The following PRIM2 variants were observed in gnomAD, a reference collection of about 807,000 sequenced individuals.
The protein encoded by PRIM2 is DNA primase subunit 2, also known as DNA primase large subunit.
In PRIM2, 39 loss-of-function variants were observed where a neutral mutation model predicts 67.3. The observed-to-expected ratio is 0.58, with a 90% confidence interval of 0.45 to 0.76. The LOEUF (loss-of-function observed/expected upper bound fraction) is 0.76, where lower values mean the gene tolerates loss of function less well. Ranked by LOEUF, PRIM2 falls within the 30% of genes least tolerant of loss-of-function variation. The pLI is 0.00. For synonymous variants in PRIM2, 143 were observed against 198.7 expected, an observed-to-expected ratio of 0.72 and a Z score of 2.36; for missense variants, 398 against 598.7, an observed-to-expected ratio of 0.66 and a Z score of 3.50.
At chr6:57,334,131 A>T (rs9475847) in intron 5 of PRIM2, among the ~76,000 whole-genome samples, 19,356 of 152,128 alleles carry the variant, frequency 0.13, 1,388 homozygotes, top group African/African-American at 0.18. Context: ...CAACTTTTTT[A>T]GATTCCACAT....
At chr6:57,299,064 TTCTC>T in the PRIM2 span, among the ~76,000 whole-genome samples, 3,180 of 151,644 alleles carry the variant, frequency 0.021, 105 homozygotes, top group African/African-American at 0.073. Context: ...CTCTCTCTCT[TTCTC>T]TCTGTCTCTC....
Position 57,455,884 on chromosome 6 carries a change from AT to A in PRIM2, c.694-51502del, listed in dbSNP as rs1210871322. ...TTGATTCAGTTTCTTCCTAGCCTGGATGGTCTTTACAATTTGGCATGTTTTT... is the reference window on the plus strand; with the variant it reads ...TTGATTCAGTTTCTTCCTAGCCTGGAGGTCTTTACAATTTGGCATGTTTTT... On this transcript the variant is annotated intron_variant, in intron 7 of 13. Coordinates refer to ENST00000615550, the MANE Select transcript of PRIM2 (RefSeq NM_000947.5). Among the ~76,000 whole-genome samples the A allele has an allele frequency of 4.5e-4, 69 of 152,256 alleles. No individual in the cohort carries two copies. In the East Asian group the frequency reaches 0.012, roughly 26 times the overall value.
intron 10 of PRIM2, among the ~76,000 whole-genome samples, chr6:57,538,010 A>G (rs1442798897): frequency 7.3e-6 from 1 of 137,426 alleles, no homozygotes; most frequent in Non-Finnish European, 1.6e-5. Flanking sequence ...TCTTTTATAA[A>G]CTTTTGTTTT....
At chr6:57,294,617 G>T in the PRIM2 span, among the ~76,000 whole-genome samples, 3 of 150,844 alleles carry the variant, frequency 2.0e-5, no homozygotes, top group South Asian at 6.2e-4. Context: ...ATAAGTATAT[G>T]TATAAATATA....
intron 7 of PRIM2, among the ~76,000 whole-genome samples, chr6:57,436,317 C>G (rs769382332): frequency 1.6e-4 from 25 of 152,274 alleles, no homozygotes; most frequent in Middle Eastern, 3.4e-3. Flanking sequence ...CTTATAAATC[C>G]TCATAAAGTC....
At chr6:57,291,414 AG>A in the PRIM2 span, among the ~76,000 whole-genome samples, 1 of 152,222 alleles carries the variant, frequency 6.6e-6, no homozygotes, top group Non-Finnish European at 1.5e-5. Flanking sequence ...ATTCTACCAG[AG>A]GTACAAAGAG....
chr6:57,264,594 CTTTTTTTTTTT>C, the PRIM2 span, among the ~76,000 whole-genome samples: 2 of 107,030 alleles, frequency 1.9e-5, no homozygotes, highest in Admixed American at 2.0e-4. Context: ...AAGTCAAACG[CTTTTTTTTTTT>C]TTTTTTTTTT....
chr6:57,311,810 C>T (rs971077642), upstream of PRIM2, among the ~76,000 whole-genome samples: 3 of 151,990 alleles, frequency 2.0e-5, no homozygotes, highest in African/African-American at 4.8e-5. Context: ...GCAGATCATC[C>T]GAGGCCAGGA....
the PRIM2 span, among the ~76,000 whole-genome samples, chr6:57,287,551 T>C: frequency 2.6e-5 from 4 of 151,568 alleles, no homozygotes; most frequent in East Asian, 1.9e-4. Flanking sequence ...TAAGTGGGAG[T>C]TGAACCATGA....
At chr6:57,338,218 A>C (rs904800389) in intron 5 of PRIM2, among the ~76,000 whole-genome samples, 2 of 152,174 alleles carry the variant, frequency 1.3e-5, no homozygotes, top group Non-Finnish European at 1.5e-5. Flanking sequence ...AATAATCAAT[A>C]GCTTACCAAC....
At chr6:57,327,233 C>T (rs1767896736) in intron 5 of PRIM2, among the ~76,000 whole-genome samples, 4 of 151,998 alleles carry the variant, frequency 2.6e-5, no homozygotes, top group Admixed American at 2.6e-4. Context: ...AGATATATGC[C>T]ACAATGGGAA....
intron 8 of PRIM2, among the ~76,000 whole-genome samples, chr6:57,519,705 C>A (rs1203880731): frequency 6.6e-6 from 1 of 152,122 alleles, no homozygotes; most frequent in Non-Finnish European, 1.5e-5. Context: ...TCCTCCTCAG[C>A]TGACAGGATT....
chr6:57,240,161 G>A, the PRIM2 span, among the ~76,000 whole-genome samples: 536 of 140,392 alleles, frequency 3.8e-3, 6 homozygotes, highest in African/African-American at 0.014. Context: ...GTGCAATGGC[G>A]CGATCTCGGC....
the PRIM2 span, among the ~76,000 whole-genome samples, chr6:57,249,870 A>G: frequency 2.0e-5 from 3 of 152,230 alleles, 1 homozygote; most frequent in South Asian, 6.2e-4. Context: ...AAGAATTTAA[A>G]TGGAATATTG....
chr6:57,458,192 A>G (rs1401122577), intron 7 of PRIM2, among the ~76,000 whole-genome samples: 1 of 152,254 alleles, frequency 6.6e-6, no homozygotes, highest in African/African-American at 2.4e-5. Context: ...GCTCTGTTCC[A>G]TATTGTCTTC....
At chr6:57,447,852 T>C (rs1772414921) in intron 7 of PRIM2, among the ~76,000 whole-genome samples, 2 of 152,184 alleles carry the variant, frequency 1.3e-5, no homozygotes. Flanking sequence ...CACAAAAACA[T>C]GTATGTATGC....
At chr6:57,280,483 G>A in the PRIM2 span, among the ~76,000 whole-genome samples, 3 of 151,934 alleles carry the variant, frequency 2.0e-5, no homozygotes, top group South Asian at 6.2e-4. Flanking sequence ...CCTTCCCCCA[G>A]CTTCCCAGGA....
At chr6:57,468,063 G>A (rs1284682900) in intron 7 of PRIM2, among the ~76,000 whole-genome samples, 3 of 152,114 alleles carry the variant, frequency 2.0e-5, no homozygotes, top group Non-Finnish European at 2.9e-5. Context: ...ATACAATTAC[G>A]TCATCTGCAA....
At chr6:57,326,117 AC>A (rs1767844875) in intron 5 of PRIM2, 72 bp downstream of exon 5, 9 of 1,544,490 alleles carry the variant, frequency 5.8e-6, no homozygotes, top group Middle Eastern at 1.7e-4. Flanking sequence ...AAGTGCTGGT[AC>A]TAATGTGTAG....
Sources: allele counts gnomAD v4.1 joint callset (sites outside exome capture counted in the v4.1 genomes callset), GRCh38; gene constraint gnomAD v4.1.1; transcripts MANE v1.5; gene names NCBI Gene and HGNC (gene_info 2026-07-23, HGNC 2026-07-21).